The following SMCHD1 variants were observed in gnomAD, a reference collection of about 807,000 sequenced individuals.
SMCHD1 encodes structural maintenance of chromosomes flexible hinge domain containing 1.
Under a neutral mutation model 254.7 loss-of-function variants are expected in SMCHD1, and 78 were observed. The ratio of observed to expected loss-of-function variants is 0.31; its 90% CI spans 0.26 to 0.37. The LOEUF is 0.37. Among genes scored for constraint, SMCHD1 ranks in the 10% least tolerant of loss-of-function variants. The pLI is 1.00. For missense variants in SMCHD1, 1,840 were observed against 2,408.1 expected (o/e 0.76, Z 4.94); for synonymous variants, 766 against 794.9 (o/e 0.96, Z 0.61).
intron 5 of SMCHD1, among the ~76,000 whole-genome samples, chr18:2,678,078 A>C (rs1368513573): frequency 7.2e-5 from 11 of 152,010 alleles, no homozygotes; most frequent in Admixed American, 7.2e-4. Context: ...GTGTACTATC[A>C]TTTTCGTATA....
At chr18:2,668,985 CT>C (rs1165908774) in intron 3 of SMCHD1, among the ~76,000 whole-genome samples, 4 of 151,852 alleles carry the variant, frequency 2.6e-5, no homozygotes, top group Non-Finnish European at 4.4e-5. Context: ...AACAATCCCC[CT>C]GCCTCAGTCT....
intron 3 of SMCHD1, among the ~76,000 whole-genome samples, chr18:2,668,409 A>G (rs534374113): frequency 6.6e-6 from 1 of 152,330 alleles, no homozygotes; most frequent in African/African-American, 2.4e-5. Flanking sequence ...TAATATAGGT[A>G]AAGATCCTGT....
chr18:2,754,444 C>G (rs927096366), intron 34 of SMCHD1, among the ~76,000 whole-genome samples: 2 of 152,096 alleles, frequency 1.3e-5, no homozygotes, highest in Admixed American at 1.3e-4. Context: ...GGAAGCTTTC[C>G]AAGGATTCTG....
intron 28 of SMCHD1, among the ~76,000 whole-genome samples, chr18:2,741,967 A>G (rs1253668409): frequency 6.6e-6 from 1 of 152,126 alleles, no homozygotes; most frequent in Non-Finnish European, 1.5e-5. Context: ...CCTCCATTTT[A>G]TAGTAAAACT....
intron 5 of SMCHD1, among the ~76,000 whole-genome samples, chr18:2,677,494 T>A (rs531393801): frequency 6.6e-6 from 1 of 152,316 alleles, no homozygotes; most frequent in East Asian, 1.9e-4. Flanking sequence ...AGCATACTGT[T>A]CAGTAGTTTG....
chr18:2,775,946 T>A, intron 42 of SMCHD1, 22 bp downstream of exon 42: 6 of 1,526,984 alleles, frequency 3.9e-6, no homozygotes, highest in Non-Finnish European at 4.4e-6. Context: ...GTGAAAGTAA[T>A]TTTTTTTCTG....
chr18:2,766,086 C>G (rs377692496), intron 37 of SMCHD1, among the ~76,000 whole-genome samples: 1 of 152,012 alleles, frequency 6.6e-6, no homozygotes, highest in Admixed American at 6.6e-5. Context: ...CTCTGCCTCC[C>G]GGGTTCACGC....
intron 41 of SMCHD1, among the ~76,000 whole-genome samples, chr18:2,773,977 G>A (rs1194002466): frequency 3.3e-5 from 5 of 152,006 alleles, no homozygotes; most frequent in Admixed American, 6.6e-5. Flanking sequence ...TAGGAACAAG[G>A]GGAGACTTTT....
intron 29 of SMCHD1, among the ~76,000 whole-genome samples, chr18:2,745,915 A>G (rs564122058): frequency 1.3e-5 from 2 of 152,314 alleles, no homozygotes; most frequent in African/African-American, 4.8e-5. Context: ...TTAATTGCTG[A>G]CCCACCTTCC....
chr18:2,734,132 T>C lies in SMCHD1; in HGVS notation c.3276+1640T>C, dbSNP rs1232319328. Reference sequence around the variant, plus strand: ...AATGCTTGTTCTAGCCAGCTTTTTTTCCCCTTCATAATGAGGGAAGAGAGA... The same window carrying C: ...AATGCTTGTTCTAGCCAGCTTTTTTCCCCCTTCATAATGAGGGAAGAGAGA... On this transcript the variant is annotated intron_variant, in intron 25 of 47. Coordinates refer to ENST00000320876, the MANE Select transcript of SMCHD1 (RefSeq NM_015295.3). Among the ~76,000 whole-genome samples the C allele has an allele frequency of 3.9e-5, 6 of 152,196 alleles. No homozygotes were observed. The South Asian group carries it at 6.2e-4, about 16-fold the overall frequency.
chr18:2,700,205 C>A (rs543532469), intron 10 of SMCHD1, among the ~76,000 whole-genome samples: 5 of 152,186 alleles, frequency 3.3e-5, no homozygotes, highest in Admixed American at 6.5e-5. Flanking sequence ...GTTTTAGATA[C>A]GGGATTTAAG....
chr18:2,771,505 G>T, intron 39 of SMCHD1, 28 bp from the exon 40 acceptor site: 1 of 1,516,110 alleles, frequency 6.6e-7, no homozygotes, highest in Non-Finnish European at 8.9e-7. Context: ...ATCAGAAATT[G>T]ATGCAAATTT....
chr18:2,777,610 A>AT (rs1447711643), intron 42 of SMCHD1, among the ~76,000 whole-genome samples, 196 bp from the exon 43 acceptor site: 1 of 152,212 alleles, frequency 6.6e-6, no homozygotes, highest in Non-Finnish European at 1.5e-5. Context: ...AACCAAGTAG[A>AT]TTTTTTATAT....
intron 36 of SMCHD1, 41 bp from the exon 37 acceptor site, chr18:2,763,596 C>T: frequency 6.9e-7 from 1 of 1,458,756 alleles, no homozygotes; most frequent in Non-Finnish European, 9.1e-7. Flanking sequence ...GTTTAATCTT[C>T]TCATCAGTTT....
rs560620158 is a variant in SMCHD1, at chr18:2,715,765, G to A, written c.2261-2393G>A. Among the ~76,000 whole-genome samples the A allele has an allele frequency of 9.9e-5, 15 of 152,252 alleles. No homozygotes were observed. The South Asian group carries it at 3.1e-3, about 32-fold the overall frequency. ...CCAGCAACTTAGGAGGCTGAGGTGG[G>A]AGGATCACTTGAGCCCATGAGACTG... On this transcript the variant is annotated intron_variant, in intron 17 of 47. Transcript: ENST00000320876.
At chr18:2,797,872 G>T (rs937447982) in intron 47 of SMCHD1, among the ~76,000 whole-genome samples, 1 of 151,902 alleles carries the variant, frequency 6.6e-6, no homozygotes, top group African/African-American at 2.4e-5. Context: ...AGCTGAGATC[G>T]CACCATTGCA....
At chr18:2,663,950 C>T (rs569155855) in intron 1 of SMCHD1, among the ~76,000 whole-genome samples, 5 of 152,094 alleles carry the variant, frequency 3.3e-5, no homozygotes, top group East Asian at 3.9e-4. Flanking sequence ...CTCCTGCCCT[C>T]GTGATCCACC....
At chr18:2,780,260 AAAAAAAG>A (rs1422373999) in intron 44 of SMCHD1, among the ~76,000 whole-genome samples, 1 of 151,036 alleles carries the variant, frequency 6.6e-6, no homozygotes, top group East Asian at 2.0e-4. Flanking sequence ...AAAAAAAAAA[AAAAAAAG>A]GCAATAATAA....
rs994125768 is a variant in SMCHD1, at chr18:2,707,748, T to G, written c.2147-59T>G. On this transcript the variant is annotated intron_variant, in intron 16 of 47. Coordinates refer to ENST00000320876, the MANE Select transcript of SMCHD1 (RefSeq NM_015295.3). ...AGATATTAAAATGCAATGGGAAGAT[T>G]TGGCAGATTCAGCAAATTTTTGGGT... 16 of 1,501,862 alleles carry G rather than the reference T, an allele frequency of 1.1e-5. No homozygotes were observed. In the Admixed American group the frequency reaches 2.6e-4, roughly 25 times the overall value. 93.0% of individuals were successfully genotyped at this position (1,501,862 alleles called of 1,614,324 possible). A position where few individuals can be genotyped will look rare whatever the true frequency, so the allele number is the denominator to read the frequency against.
Sources: gnomAD v4.1 joint callset for allele counts (sites outside exome capture counted in the v4.1 genomes callset) on GRCh38, gnomAD v4.1.1 for gene constraint, MANE v1.5 for transcripts, NCBI Gene and HGNC (gene_info 2026-07-23, HGNC 2026-07-21) for gene names.